The following NRG1 variants were observed in gnomAD, a reference collection of about 807,000 sequenced individuals.
The protein encoded by NRG1 is neuregulin 1, also known as pro-neuregulin-1, membrane-bound isoform.
NRG1 carries 18 observed loss-of-function variants against 63.8 expected under a neutral mutation model. The ratio of observed to expected loss-of-function variants is 0.28; its 90% confidence interval spans 0.19 to 0.42. The LOEUF is 0.42. Among genes scored for constraint, NRG1 ranks in the 10% least tolerant of loss-of-function variants. NRG1 has a pLI of 1.00. For synonymous variants in NRG1, 302 were observed against 301.3 expected, an observed-to-expected ratio of 1.00 and a Z score of -0.02; for missense variants, 762 against 814.7, an observed-to-expected ratio of 0.94 and a Z score of 0.79.
chr8:32,492,921 T>G (rs2129495068), intron 1 of NRG1, among the ~76,000 whole-genome samples: 1 of 152,264 alleles, frequency 6.6e-6, no homozygotes, highest in African/African-American at 2.4e-5. Context: ...TAACAAGAAT[T>G]GTTTGAAATA....
At chr8:31,969,648 TC>T (rs1241779550) in intron 1 of NRG1, among the ~76,000 whole-genome samples, 3 of 152,310 alleles carry the variant, frequency 2.0e-5, no homozygotes, top group Admixed American at 6.5e-5. Context: ...TAGATGCATG[TC>T]CTTCTTGCAC....
intron 1 of NRG1, among the ~76,000 whole-genome samples, chr8:31,643,236 G>T (rs930450128): frequency 4.4e-4 from 67 of 152,208 alleles, no homozygotes; most frequent in African/African-American, 1.4e-3. Flanking sequence ...ACATGAAGCT[G>T]CCCTGGGGGC....
At chr8:32,616,915 G>C (rs757304901) in intron 5 of NRG1, 30 bp downstream of exon 5, 1 of 1,505,280 alleles carries the variant, frequency 6.6e-7, no homozygotes, top group Non-Finnish European at 9.2e-7. Context: ...CTATTCACTG[G>C]TTTTTAACCC....
intron 1 of NRG1, among the ~76,000 whole-genome samples, chr8:32,464,402 A>G (rs1295782319): frequency 1.3e-5 from 2 of 151,422 alleles, no homozygotes; most frequent in African/African-American, 2.4e-5. Flanking sequence ...CAGAATCCCA[A>G]TCCAGCACTC....
chr8:32,211,701 G>A (rs576262751), intron 1 of NRG1, among the ~76,000 whole-genome samples: 4 of 152,198 alleles, frequency 2.6e-5, no homozygotes, highest in East Asian at 3.9e-4. Context: ...AACACGTTAC[G>A]TTTTGAATAT....
chr8:32,321,489 A>G (rs1194150547), intron 1 of NRG1, among the ~76,000 whole-genome samples: 1 of 149,152 alleles, frequency 6.7e-6, no homozygotes, highest in Non-Finnish European at 1.5e-5. Flanking sequence ...TGTAAAAAAA[A>G]AAAAAATCTG....
intron 1 of NRG1, among the ~76,000 whole-genome samples, chr8:31,801,211 A>G (rs1250015711): frequency 1.3e-5 from 2 of 152,130 alleles, no homozygotes; most frequent in East Asian, 1.9e-4. Context: ...CATACTGTGC[A>G]TATTGTTTTA....
chr8:31,833,089 T>A (rs569293680), intron 1 of NRG1, among the ~76,000 whole-genome samples: 6 of 152,022 alleles, frequency 3.9e-5, no homozygotes, highest in Admixed American at 2.6e-4. Context: ...GATTGCCCAG[T>A]GACGGATAAG....
intron 1 of NRG1, among the ~76,000 whole-genome samples, chr8:32,335,864 G>A (rs1006509454): frequency 2.0e-4 from 30 of 152,190 alleles, no homozygotes; most frequent in African/African-American, 6.5e-4. Context: ...ACACAGCCAG[G>A]TCATGTCTCT....
intron 1 of NRG1, among the ~76,000 whole-genome samples, chr8:31,707,206 G>A (rs1811236766): frequency 2.6e-5 from 4 of 151,924 alleles, no homozygotes; most frequent in Admixed American, 2.0e-4. Context: ...TCTGGAATTG[G>A]CTTGTAGTAA....
At chr8:32,259,058 T>C (rs1450059720) in intron 1 of NRG1, among the ~76,000 whole-genome samples, 4 of 152,294 alleles carry the variant, frequency 2.6e-5, no homozygotes. Context: ...GTTATAGACT[T>C]GGTAAATCCA....
At chr8:32,674,513 G>GA (rs1001265129) in intron 5 of NRG1, among the ~76,000 whole-genome samples, 1 of 152,054 alleles carries the variant, frequency 6.6e-6, no homozygotes, top group Admixed American at 6.6e-5. Context: ...TATGACAACT[G>GA]AAAAAAACCT....
At chr8:32,074,730 A>G (rs1204973462) in intron 1 of NRG1, among the ~76,000 whole-genome samples, 1 of 152,210 alleles carries the variant, frequency 6.6e-6, no homozygotes, top group East Asian at 1.9e-4. Context: ...TTCATTGGAA[A>G]TAGCAATGTG....
intron 1 of NRG1, among the ~76,000 whole-genome samples, chr8:32,491,183 A>G (rs1412271979): frequency 6.6e-6 from 1 of 152,196 alleles, no homozygotes; most frequent in South Asian, 2.1e-4. Flanking sequence ...TCTTAGAGAT[A>G]ATCAATTTGA....
chr8:32,462,979 GGTAA>G (rs927981464), intron 1 of NRG1, among the ~76,000 whole-genome samples: 5 of 150,400 alleles, frequency 3.3e-5, no homozygotes, highest in African/African-American at 1.2e-4. Context: ...CCCTGCCCCT[GGTAA>G]CCACCATTCT....
At chr8:31,689,522 A>G (rs1289748190) in intron 1 of NRG1, among the ~76,000 whole-genome samples, 1 of 152,228 alleles carries the variant, frequency 6.6e-6, no homozygotes, top group Non-Finnish European at 1.5e-5. Context: ...GAAAAATGTC[A>G]GAGAGACTGC....
At chr8:31,806,237 T>C (rs575777196) in intron 1 of NRG1, among the ~76,000 whole-genome samples, 2 of 152,278 alleles carry the variant, frequency 1.3e-5, no homozygotes, top group Non-Finnish European at 2.9e-5. Flanking sequence ...GCATCCTAAG[T>C]GTATTTGTTG....
At chr8:31,861,079 C>A (rs1382637629) in intron 1 of NRG1, among the ~76,000 whole-genome samples, 1 of 152,124 alleles carries the variant, frequency 6.6e-6, no homozygotes, top group Non-Finnish European at 1.5e-5. Context: ...GTGTCACTGT[C>A]AATATTATTC....
intron 1 of NRG1, among the ~76,000 whole-genome samples, chr8:32,435,810 G>T (rs1818716920): frequency 6.6e-6 from 1 of 152,160 alleles, no homozygotes; most frequent in Admixed American, 6.5e-5. Flanking sequence ...TGTATCTTAG[G>T]ATCCTAATAT....
Sources: allele counts gnomAD v4.1 joint callset (sites outside exome capture counted in the v4.1 genomes callset), GRCh38; gene constraint gnomAD v4.1.1; transcripts MANE v1.5; gene names NCBI Gene and HGNC (gene_info 2026-07-23, HGNC 2026-07-21).